ANKRD11: variants seen among roughly 807,000 people sequenced by gnomAD.
ANKRD11 encodes the protein ankyrin repeat domain-containing protein 11.
In ANKRD11, 17 loss-of-function variants were observed where a neutral mutation model predicts 195.7. That is an observed-to-expected ratio of 0.09 (90% CI 0.06 to 0.13). The LOEUF (loss-of-function observed/expected upper bound fraction) is 0.13, where lower values mean the gene tolerates loss of function less well. Ranked by LOEUF, ANKRD11 falls within the 10% of genes least tolerant of loss-of-function variation. The pLI is 1.00. For missense variants in ANKRD11, 3,735 were observed against 3,566.1 expected (o/e 1.05, Z -1.21); for synonymous variants, 1,953 against 1,528.1 (o/e 1.28, Z -6.49).
intron 1 of ANKRD11, among the ~76,000 whole-genome samples, chr16:89,446,847 C>A (rs577785922): frequency 6.6e-6 from 1 of 152,264 alleles, no homozygotes; most frequent in East Asian, 1.9e-4. Context: ...CTCTGGGGCA[C>A]AGAGGCTCTC....
chr16:89,440,289 G>A (rs1264547624), intron 1 of ANKRD11, among the ~76,000 whole-genome samples: 1 of 152,120 alleles, frequency 6.6e-6, no homozygotes, highest in African/African-American at 2.4e-5. Flanking sequence ...ATAAATAACA[G>A]TGGAACTAGG....
intron 2 of ANKRD11, among the ~76,000 whole-genome samples, chr16:89,352,984 T>C (rs1267949913): frequency 6.6e-6 from 1 of 152,218 alleles, no homozygotes; most frequent in Non-Finnish European, 1.5e-5. Context: ...ACATTAAACC[T>C]TGAATATATT....
intron 12 of ANKRD11, 48 bp downstream of exon 12, chr16:89,270,769 G>A (rs1168229862): frequency 1.9e-6 from 3 of 1,591,358 alleles, no homozygotes; most frequent in Non-Finnish European, 2.6e-6. Context: ...TCACAGAACT[G>A]GGCAGCAGCC....
intron 2 of ANKRD11, among the ~76,000 whole-genome samples, chr16:89,343,506 C>T (rs1043734366): frequency 1.6e-4 from 25 of 152,096 alleles, no homozygotes; most frequent in Admixed American, 1.2e-3. Context: ...AGTGAGTGAG[C>T]GAGCAAATGA....
chr16:89,316,851 C>A (rs1440590338), intron 3 of ANKRD11, 82 bp downstream of exon 3: 12 of 1,517,532 alleles, frequency 7.9e-6, no homozygotes, highest in Non-Finnish European at 1.1e-5. Flanking sequence ...GGAGAACAGG[C>A]CACAGGCGGG....
intron 3 of ANKRD11, among the ~76,000 whole-genome samples, chr16:89,310,535 G>C (rs146269729): frequency 9.8e-5 from 15 of 152,352 alleles, no homozygotes; most frequent in South Asian, 8.3e-4. Context: ...TGTGGAGAGA[G>C]ATGGCATCCA....
At position 89,483,100 on chromosome 16, in the gene ANKRD11, A is replaced by G. The variant is rs147779818; in HGVS notation, c.-145+7145T>C. Among the ~76,000 whole-genome samples the G allele has an allele frequency of 4.0e-3, 607 of 152,328 alleles. 7 individuals are homozygous for G. The highest frequency in any genetic ancestry group is 6.7e-3 in the Non-Finnish European group (453 of 68,030). ...AGTCCCAGCACTTCTCCAACGCCCA[A>G]GAGCTGTTCTCTGTCTCCCTTCCAC... On this transcript the variant is annotated intron_variant, in intron 1 of 12. Coordinates refer to ENST00000301030, the MANE Select transcript of ANKRD11 (RefSeq NM_013275.6).
intron 2 of ANKRD11, among the ~76,000 whole-genome samples, chr16:89,363,594 T>C (rs954232518): frequency 2.0e-5 from 3 of 152,206 alleles, no homozygotes; most frequent in Non-Finnish European, 4.4e-5. Context: ...ACCAAAACTT[T>C]CTTTGCATTC....
intron 2 of ANKRD11, chr16:89,324,312 G>C: frequency 7.9e-7 from 1 of 1,269,824 alleles, no homozygotes. Context: ...ACAGGAGCAC[G>C]GACACAGCAG....
Position 89,279,922 on chromosome 16 carries a change from G to C in ANKRD11, c.6620C>G (p.Pro2207Arg), listed in dbSNP as rs771395581. ...CACGTCCAGCTTTGGCTCCCCTGAG[G>C]GCTCAGGCTCGAGCTCTGCAGGGAG... ...TRLPAELEPEPSGEPKLDVAL... is the reference protein window; with the variant it reads ...TRLPAELEPERSGEPKLDVAL... Residue 2207 changes from proline (P) to arginine (R), a missense_variant, in exon 9 of 13, where the codon CCC becomes CGC. Physicochemically the swap from Pro to Arg is moderately radical, Grantham distance 103. Transcript: ENST00000301030. The surrounding 1 kb of genome is among the most constrained non-coding windows in gnomAD (Gnocchi z 5.6). 1.2e-6 allele frequency: 2 copies of C among 1,609,996 alleles called. No individual in the cohort carries two copies. Among genetic ancestry groups the C allele is most frequent in the Admixed American group, 1.7e-5 (1 of 59,956 alleles).
chr16:89,296,116 G>A (rs2035421712), intron 4 of ANKRD11, among the ~76,000 whole-genome samples: 1 of 149,526 alleles, frequency 6.7e-6, no homozygotes, highest in African/African-American at 2.5e-5. Context: ...AGCCTCAGGA[G>A]TAGCTGGGAC....
chr16:89,395,514 G>A (rs1442500417), intron 2 of ANKRD11, among the ~76,000 whole-genome samples: 1 of 152,230 alleles, frequency 6.6e-6, no homozygotes, highest in African/African-American at 2.4e-5. Context: ...AGACCCACCC[G>A]AACGGGGAAC....
At chr16:89,428,041 C>A (rs1027034803) in intron 1 of ANKRD11, among the ~76,000 whole-genome samples, 1 of 149,978 alleles carries the variant, frequency 6.7e-6, no homozygotes, top group Non-Finnish European at 1.5e-5. Flanking sequence ...AACGCCATCT[C>A]TAATAAAAAT....
rs1416728452 is a variant in ANKRD11, at chr16:89,289,923, G to T, written c.601+702C>A. On this transcript the variant is annotated intron_variant, in intron 6 of 12. Transcript: ENST00000301030. Reference sequence around the variant, plus strand: ...GGCATGGTGGCGTGCGCCTGCACCCGGAAGGCTGAGTTGGGAACATCGCTT... The same window carrying T: ...GGCATGGTGGCGTGCGCCTGCACCCTGAAGGCTGAGTTGGGAACATCGCTT... 3.3e-5 allele frequency among the ~76,000 whole-genome samples: 5 copies of T among 152,264 alleles called. No homozygotes were observed. In the East Asian group the frequency reaches 9.7e-4, roughly 29 times the overall value.
chr16:89,415,829 C>CAAACAAAAAAAA (rs1343927982), intron 2 of ANKRD11, among the ~76,000 whole-genome samples: 9 of 39,744 alleles, frequency 2.3e-4, no homozygotes, highest in African/African-American at 8.4e-4. Flanking sequence ...GACTCTGTCT[C>CAAACAAAAAAAA]AAAAAAAAAA....
intron 9 of ANKRD11, among the ~76,000 whole-genome samples, chr16:89,275,415 C>T (rs149754310): frequency 1.1e-3 from 170 of 152,340 alleles, no homozygotes; most frequent in African/African-American, 3.9e-3. Context: ...TACAGCACCA[C>T]GCAGTGAGGA....
intron 1 of ANKRD11, among the ~76,000 whole-genome samples, chr16:89,472,945 T>G (rs1295833506): frequency 6.6e-6 from 1 of 151,986 alleles, no homozygotes; most frequent in African/African-American, 2.4e-5. Context: ...ATCCCAGCAC[T>G]GTGGGAGGCT....
At chr16:89,363,650 T>G (rs1263928049) in intron 2 of ANKRD11, among the ~76,000 whole-genome samples, 1 of 152,208 alleles carries the variant, frequency 6.6e-6, no homozygotes, top group Admixed American at 6.5e-5. Context: ...ACTCACTTTA[T>G]GTCCACCAAG....
At chr16:89,312,581 C>T (rs910439189) in intron 3 of ANKRD11, among the ~76,000 whole-genome samples, 6 of 152,232 alleles carry the variant, frequency 3.9e-5, no homozygotes, top group Non-Finnish European at 5.9e-5. Context: ...TGATGCTGCT[C>T]TATGTCCTTT....
Sources: allele counts gnomAD v4.1 joint callset (sites outside exome capture counted in the v4.1 genomes callset), GRCh38; gene constraint gnomAD v4.1.1; non-coding constraint Gnocchi (gnomAD v3.1); transcripts MANE v1.5; gene names NCBI Gene and HGNC (gene_info 2026-07-23, HGNC 2026-07-21).